The following ATP6V0A1 variants were observed in gnomAD, a reference collection of about 807,000 sequenced individuals.
ATP6V0A1 encodes the protein ATPase H+ transporting V0 subunit a1.
Under a neutral mutation model 105.4 loss-of-function variants are expected in ATP6V0A1, and 43 were observed. The ratio of observed to expected loss-of-function variants is 0.41; its 90% CI spans 0.32 to 0.53. ATP6V0A1 has a LOEUF of 0.53. Among genes scored for constraint, ATP6V0A1 ranks in the 20% least tolerant of loss-of-function variants. The pLI is 0.30. For synonymous variants in ATP6V0A1, 362 were observed against 372.8 expected (o/e 0.97, Z 0.33); for missense variants, 676 against 1,051.1 (o/e 0.64, Z 4.93).
chr17:42,517,497 G>T (rs1167301952), intron 21 of ATP6V0A1, among the ~76,000 whole-genome samples: 3 of 152,142 alleles, frequency 2.0e-5, no homozygotes, highest in Non-Finnish European at 2.9e-5. Flanking sequence ...AGGAGTATTG[G>T]GTAGGAGAGG....
chr17:42,473,534 G>A (rs920282696), intron 5 of ATP6V0A1, among the ~76,000 whole-genome samples: 1 of 152,202 alleles, frequency 6.6e-6, no homozygotes, highest in Non-Finnish European at 1.5e-5. Context: ...CAGATCTGAT[G>A]TAAACCTGGC....
chr17:42,495,108 C>G lies in ATP6V0A1; in HGVS notation c.1389C>G (p.Ile463Met). 1 of 1,613,930 alleles carries G rather than the reference C, an allele frequency of 6.2e-7. No homozygotes were observed. Among genetic ancestry groups the G allele is most frequent in the Non-Finnish European group, 8.5e-7 (1 of 1,179,828 alleles). The change falls in exon 13 of 22, where the codon ATC (isoleucine) becomes ATG (methionine). Residue 463 changes from isoleucine (I) to methionine (M), a missense_variant. Ile to Met is a conservative substitution (Grantham distance 10). Around this residue, in one of 3 missense-constraint regions of ATP6V0A1, gnomAD observed 435 missense variants for 642.2 expected, o/e 0.68. Transcript: ENST00000343619. ...TGTTCTCCATGTACACTGGCCTCAT[C>G]TACAATGATTGCTTTTCCAAGTCTC... Reference protein sequence around the residue: ...MGVFSMYTGLIYNDCFSKSLN... With the variant: ...MGVFSMYTGLMYNDCFSKSLN...
intron 6 of ATP6V0A1, 139 bp downstream of exon 6, chr17:42,477,881 G>C: frequency 1.4e-6 from 1 of 691,044 alleles, no homozygotes; most frequent in Non-Finnish European, 2.3e-6. Context: ...TACAACTCTG[G>C]ATTCATGCCT....
intron 17 of ATP6V0A1, chr17:42,507,256 T>A: frequency 2.8e-6 from 1 of 360,814 alleles, no homozygotes; most frequent in Non-Finnish European, 5.1e-6. Context: ...GTGAGGCTGG[T>A]GCCTCTTGGC....
intron 5 of ATP6V0A1, among the ~76,000 whole-genome samples, chr17:42,473,482 C>G (rs546595835): frequency 6.6e-6 from 1 of 152,326 alleles, no homozygotes; most frequent in South Asian, 2.1e-4. Context: ...TTCATATGCT[C>G]ACAGATGTGT....
chr17:42,508,861 A>T lies in ATP6V0A1; in HGVS notation c.2130+272A>T, dbSNP rs556966870. On this transcript the variant is annotated intron_variant, in intron 19 of 21. Transcript: ENST00000343619. ...ATGGCTTTGAAAGGAGCTACAAGTA[A>T]TGTCTTCACTGGCATTCTTGAAGTG... 1.3e-4 allele frequency among the ~76,000 whole-genome samples: 20 copies of T among 152,282 alleles called. No individual in the cohort carries two copies. The South Asian group carries it at 4.1e-3, about 32-fold the overall frequency.
chr17:42,513,543 GC>G (rs1253526882), intron 19 of ATP6V0A1: 2 of 269,190 alleles, frequency 7.4e-6, no homozygotes, highest in African/African-American at 4.4e-5. Flanking sequence ...TGAGCACAGA[GC>G]CCCAGAGGGA....
At chr17:42,483,701 C>T (rs953842523) in intron 9 of ATP6V0A1, among the ~76,000 whole-genome samples, 3 of 152,222 alleles carry the variant, frequency 2.0e-5, no homozygotes, top group Non-Finnish European at 4.4e-5. Context: ...CCTGCCTCAT[C>T]CTCCCAAGTA....
At position 42,478,606 on chromosome 17, in the gene ATP6V0A1, G is replaced by A. The variant is rs2089071825; in HGVS notation, c.633+17G>A. On this transcript the variant is annotated intron_variant, in intron 7 of 21. Transcript: ENST00000343619. ...CCTGTGACTGTAAGACAAGGAGATT[G>A]CATCCTGTGGAGTAGGTCTTGTAAA... 2 of 1,554,594 alleles carry A rather than the reference G, an allele frequency of 1.3e-6. No individual in the cohort carries two copies. Among genetic ancestry groups the A allele is most frequent in the African/African-American group, 2.7e-5 (2 of 72,782 alleles).
intron 19 of ATP6V0A1, 124 bp downstream of exon 19, chr17:42,508,713 C>G (rs572516854): frequency 7.4e-7 from 1 of 1,345,346 alleles, no homozygotes; most frequent in Non-Finnish European, 1.1e-6. Flanking sequence ...CTCTGCATCT[C>G]ACTGGCCATT....
chr17:42,512,213 A>G (rs919559977), intron 19 of ATP6V0A1, among the ~76,000 whole-genome samples: 2 of 152,172 alleles, frequency 1.3e-5, no homozygotes, highest in Admixed American at 1.3e-4. Flanking sequence ...GCTTCTCCTG[A>G]GAACACCTGC....
intron 21 of ATP6V0A1, chr17:42,519,124 G>A (rs1033990625): frequency 2.0e-5 from 3 of 152,284 alleles, no homozygotes; most frequent in Non-Finnish European, 2.9e-5. Context: ...TGTCAGGGAG[G>A]CCACCTGTCT....
chr17:42,480,796 A>G (rs950507103), intron 8 of ATP6V0A1, 47 bp downstream of exon 8: 3 of 1,554,136 alleles, frequency 1.9e-6, no homozygotes, highest in East Asian at 2.3e-5. Context: ...ATGCTGCCCA[A>G]CTGTTGAGTC....
chr17:42,504,101 C>T (rs2091872059), intron 17 of ATP6V0A1, among the ~76,000 whole-genome samples: 1 of 152,046 alleles, frequency 6.6e-6, no homozygotes. Flanking sequence ...GTCTTCTTAC[C>T]CCACTGGTTC....
Position 42,501,235 on chromosome 17 carries a change from G to T in ATP6V0A1, c.1935G>T (p.Leu645=). ...GTTTCCTGGTAGTGGTTGCACTACT[G>T]TGTGTACCTTGGATGCTGCTGTTTA... ...IQCFLVVVAL[L]CVPWMLLFKP... is the part of the protein sequence containing the mutation. Residue 645 remains leucine (L), a synonymous_variant, in exon 17 of 22, where the codon CTG becomes CTT. Transcript: ENST00000343619. 1.2e-6 allele frequency: 2 copies of T among 1,614,104 alleles called. No homozygotes were observed. Among genetic ancestry groups the T allele is most frequent in the Non-Finnish European group, 1.7e-6 (2 of 1,180,000 alleles).
chr17:42,475,615 A>G (rs909355569), intron 5 of ATP6V0A1, among the ~76,000 whole-genome samples: 1 of 152,184 alleles, frequency 6.6e-6, no homozygotes, highest in African/African-American at 2.4e-5. Flanking sequence ...AGGGAAGCCA[A>G]AAGATCAGAC....
intron 4 of ATP6V0A1, among the ~76,000 whole-genome samples, chr17:42,469,364 T>G (rs2087555736): frequency 7.2e-6 from 1 of 138,704 alleles, no homozygotes; most frequent in Admixed American, 7.6e-5. Context: ...AGAGTCTTGC[T>G]CTCTCACCCA....
At chr17:42,491,771 C>G (rs1056453311) in intron 11 of ATP6V0A1, among the ~76,000 whole-genome samples, 1 of 152,190 alleles carries the variant, frequency 6.6e-6, no homozygotes, top group Non-Finnish European at 1.5e-5. Flanking sequence ...ACGTGAGCCA[C>G]TGCGCCCGGC....
rs138172466 is a variant in ATP6V0A1, at chr17:42,495,634, C to T, written c.1478C>T (p.Thr493Met). ...TTTCCCTGTCATGGTAGTGAAGAGA[C>T]GCTTCGGGGGAACCCTGTTCTACAG... is the stretch of plus-strand genomic sequence containing the variant. ...PMFTYNWTEETLRGNPVLQLN... is the reference protein window; with the variant it reads ...PMFTYNWTEEMLRGNPVLQLN... The change falls in exon 14 of 22, where the codon ACG becomes ATG. Residue 493 changes from threonine to methionine, a missense_variant. Physicochemically the swap from Thr to Met is moderately conservative, Grantham distance 81. Coordinates refer to ENST00000343619, the MANE Select transcript of ATP6V0A1 (RefSeq NM_001130021.3). The T allele has an allele frequency of 4.9e-5, 79 of 1,612,766 alleles. No homozygotes were observed. Among genetic ancestry groups the T allele is most frequent in the Admixed American group, 2.0e-4 (12 of 59,972 alleles).
Sources: allele counts gnomAD v4.1 joint callset (sites outside exome capture counted in the v4.1 genomes callset), GRCh38; gene constraint gnomAD v4.1.1; regional missense constraint gnomAD v4.1.1; transcripts MANE v1.5; gene names NCBI Gene and HGNC (gene_info 2026-07-23, HGNC 2026-07-21).